Variants in UGT1A4 observed in about 807,000 individuals in gnomAD.
UGT1A4 encodes the protein UDP glucuronosyltransferase family 1 member A4.
Under a neutral mutation model 41.1 loss-of-function variants are expected in UGT1A4, and 32 were observed. That is an observed-to-expected ratio of 0.78 (90% CI 0.59 to 1.05). The LOEUF (loss-of-function observed/expected upper bound fraction) is 1.05, where lower values mean the gene tolerates loss of function less well. Ranked by LOEUF, UGT1A4 falls within the 50% of genes least tolerant of loss-of-function variation. The pLI, the probability that UGT1A4 is intolerant of heterozygous loss-of-function variation, is 0.00. For synonymous variants in UGT1A4, 283 were observed against 265.1 expected, an observed-to-expected ratio of 1.07 and a Z score of -0.66; for missense variants, 748 against 677.4, an observed-to-expected ratio of 1.10 and a Z score of -1.16.
intron 1 of UGT1A4, among the ~76,000 whole-genome samples, chr2:233,733,410 G>A (rs1464180881): frequency 6.6e-6 from 1 of 152,160 alleles, no homozygotes; most frequent in Non-Finnish European, 1.5e-5. Flanking sequence ...AATGCTTCCA[G>A]TTTTCGCCTA....
chr2:233,759,778 A>G (rs2125976593), intron 1 of UGT1A4, among the ~76,000 whole-genome samples: 1 of 152,308 alleles, frequency 6.6e-6, no homozygotes, highest in South Asian at 2.1e-4. Flanking sequence ...TGTTGGACGA[A>G]GGAATGAAAC....
In UGT1A4 at chr2:233,719,346, A is replaced by T. The variant is rs45540231; in HGVS notation, c.526A>T (p.Ile176Phe). 3.4e-3 allele frequency: 5,483 copies of T among 1,613,810 alleles called. 158 individuals are homozygous for T. The African/African-American group carries it at 0.064, about 19-fold the overall frequency. The change falls in exon 1 of 5, where the codon ATT (isoleucine) becomes TTT (phenylalanine). Residue 176 changes from isoleucine (I) to phenylalanine (F), a missense_variant. Ile to Phe is a conservative substitution (Grantham distance 21). Transcript: ENST00000373409. ...TCCTGCTGTGTTTTTTTGGAGGTAC[A>T]TTCCATGTGACTTAGACTTTAAGGG... ...SIPAVFFWRY[I>F]PCDLDFKGTQ... is the part of the protein sequence containing the mutation.
intron 1 of UGT1A4, among the ~76,000 whole-genome samples, chr2:233,757,757 G>C (rs1696714079): frequency 6.6e-6 from 1 of 151,646 alleles, no homozygotes; most frequent in African/African-American, 2.4e-5. Context: ...TGTTTATGTT[G>C]CTCCTTTAGT....
chr2:233,768,652 T>C (rs1699688984), intron 4 of UGT1A4, among the ~76,000 whole-genome samples: 1 of 146,762 alleles, frequency 6.8e-6, no homozygotes, highest in Non-Finnish European at 1.5e-5. Flanking sequence ...AGTGGTGCAA[T>C]CTTGGCTTAC....
Position 233,772,243 on chromosome 2 carries a change from A to G in UGT1A4, c.1308-19A>G, listed in dbSNP as rs763747891. The stretch of plus-strand genomic sequence containing the variant: ...TACCACAGGTGTTCCAGGCATAACG[A>G]AACTGTCTTTGTGTTTAGTTACAAG... On this transcript the variant is annotated intron_variant, in intron 4 of 4. Coordinates refer to ENST00000373409, the MANE Select transcript of UGT1A4 (RefSeq NM_007120.3). 2 of 1,614,184 alleles carry G rather than the reference A, an allele frequency of 1.2e-6. No homozygotes were observed. The highest frequency in any genetic ancestry group is 1.7e-6 in the Non-Finnish European group (2 of 1,180,028).
Position 233,772,277 on chromosome 2 carries a change from C to G in UGT1A4, c.1323C>G (p.Ile441Met). 1 of 1,614,240 alleles carries G rather than the reference C, an allele frequency of 6.2e-7. No individual in the cohort carries two copies. Among genetic ancestry groups the G allele is most frequent in the Non-Finnish European group, 8.5e-7 (1 of 1,180,042 alleles). Residue 441 changes from isoleucine (I) to methionine (M), a missense_variant, in exon 5 of 5, where the codon ATC (isoleucine) becomes ATG (methionine). Ile to Met is a conservative substitution (Grantham distance 10). Transcript: ENST00000373409. Reference protein sequence around the residue: ...VINDKSYKENIMRLSSLHKDR... With the variant: ...VINDKSYKENMMRLSSLHKDR... ...TTGTGTTTAGTTACAAGGAGAACAT[C>G]ATGCGCCTCTCCAGCCTTCACAAGG...
chr2:233,747,343 T>A (rs1575682738), intron 1 of UGT1A4: 1 of 1,603,348 alleles, frequency 6.2e-7, no homozygotes, highest in East Asian at 2.2e-5. Flanking sequence ...CTGGCTCGCA[T>A]GCGGGAGGCC....
intron 1 of UGT1A4, among the ~76,000 whole-genome samples, chr2:233,765,617 G>T (rs988431612): frequency 1.3e-5 from 2 of 151,904 alleles, no homozygotes; most frequent in African/African-American, 4.8e-5. Flanking sequence ...GGGGTGAGGG[G>T]TGAGGGGAGG....
At chr2:233,741,922 TG>T (rs1282682556) in intron 1 of UGT1A4, 2 of 151,910 alleles carry the variant, frequency 1.3e-5, no homozygotes, top group Non-Finnish European at 2.9e-5. Flanking sequence ...GGTCTTCATT[TG>T]GGGCATAACC....
At chr2:233,748,984 C>T (rs1315447738) in intron 1 of UGT1A4, among the ~76,000 whole-genome samples, 18 of 151,726 alleles carry the variant, frequency 1.2e-4, no homozygotes, top group Non-Finnish European at 2.1e-4. Context: ...TACTTCTTTA[C>T]CAACAATTTC....
rs10445705 is a variant in UGT1A4 at position 233,768,141 on chromosome 2, G to A, written c.1088-79G>A. Reference sequence around the variant, plus strand: ...ATGTGAGTAACACTGAGTCTTTGGAGTGTTTTCAGAACCTAGATGTGTCCA... The same window carrying A: ...ATGTGAGTAACACTGAGTCTTTGGAATGTTTTCAGAACCTAGATGTGTCCA... On this transcript the variant is annotated intron_variant, in intron 3 of 4. Coordinates refer to ENST00000373409, the MANE Select transcript of UGT1A4 (RefSeq NM_007120.3). The A allele has an allele frequency of 3.8e-3, 6,135 of 1,610,076 alleles. 218 individuals carry two copies. The African/African-American group carries it at 0.07, about 18-fold the overall frequency.
chr2:233,745,781 C>A (rs1693207389), intron 1 of UGT1A4, among the ~76,000 whole-genome samples: 1 of 150,162 alleles, frequency 6.7e-6, no homozygotes, highest in Non-Finnish European at 1.5e-5. Flanking sequence ...TGAGCTTAGA[C>A]AGGGGGGCTG....
In UGT1A4 at chr2:233,719,944, A is replaced by G. The variant is rs28898612; in HGVS notation, c.867+257A>G. Among the ~76,000 whole-genome samples, 584 of 152,290 alleles carry G rather than the reference A, an allele frequency of 3.8e-3. 2 individuals are homozygous for G. Among genetic ancestry groups the G allele is most frequent in the African/African-American group, 0.013 (558 of 41,550 alleles). ...ACTCACGGACAGTGTTTGTAAAGGC[A>G]CCATCTTCATGGTTGTGCATGTCCT... On this transcript the variant is annotated intron_variant, in intron 1 of 4. Coordinates refer to ENST00000373409, the MANE Select transcript of UGT1A4 (RefSeq NM_007120.3).
At chr2:233,727,138 C>A (rs1201449660) in intron 1 of UGT1A4, among the ~76,000 whole-genome samples, 2 of 152,162 alleles carry the variant, frequency 1.3e-5, no homozygotes, top group Non-Finnish European at 2.9e-5. Context: ...GGGAACAAGA[C>A]CACACAGGTC....
chr2:233,719,330 GT>G lies in UGT1A4; in HGVS notation c.517del (p.Trp173GlyfsTer8), dbSNP rs780658532. ...CTAAGTACCTGTCGATTCCTGCTGT[GT>G]TTTTTTGGAGGTACATTCCATGTGA... ...LAKYLSIPAV[F>X]FWRYIPCDLD... On this transcript the variant is annotated frameshift_variant, in exon 1 of 5. Coordinates refer to ENST00000373409, the MANE Select transcript of UGT1A4 (RefSeq NM_007120.3). LOFTEE classifies it high-confidence loss of function. 2.5e-6 allele frequency: 4 copies of G among 1,613,748 alleles called. No homozygotes were observed. The highest frequency in any genetic ancestry group is 3.4e-6 in the Non-Finnish European group (4 of 1,179,856).
At chr2:233,755,920 C>T (rs931187964) in intron 1 of UGT1A4, 4 of 147,692 alleles carry the variant, frequency 2.7e-5, no homozygotes, top group African/African-American at 1.0e-4. Flanking sequence ...AGAAGAGTGG[C>T]ATCGTTTTAC....
At position 233,767,872 on chromosome 2, in the gene UGT1A4, C is replaced by G. The variant is rs997427896; in HGVS notation, c.1023C>G (p.Thr341=). The G allele has an allele frequency of 2.5e-6, 4 of 1,614,024 alleles. No homozygotes were observed. The highest frequency in any genetic ancestry group is 3.4e-6 in the Non-Finnish European group (4 of 1,180,044). ...PQTVLWRYTG[T]RPSNLANNTI... is the part of the protein sequence containing the mutation. The stretch of plus-strand genomic sequence containing the variant: ...AGGTCCTGTGGCGGTACACTGGAAC[C>G]CGACCATCGAATCTTGCGAACAACA... Residue 341 remains threonine (T), a synonymous_variant, in exon 3 of 5, where the codon ACC becomes ACG. Coordinates refer to ENST00000373409, the MANE Select transcript of UGT1A4 (RefSeq NM_007120.3).
chr2:233,745,888 G>A (rs1423875334), intron 1 of UGT1A4, among the ~76,000 whole-genome samples: 1 of 151,512 alleles, frequency 6.6e-6, no homozygotes, highest in African/African-American at 2.4e-5. Flanking sequence ...TGTTGGTGGG[G>A]TGGCGTTTTT....
intron 1 of UGT1A4, chr2:233,747,716 T>C: frequency 6.2e-7 from 1 of 1,613,280 alleles, no homozygotes; most frequent in Non-Finnish European, 8.5e-7. Context: ...TATCAATTCC[T>C]GCTGTGTTTT....
Sources: allele counts gnomAD v4.1 joint callset (sites outside exome capture counted in the v4.1 genomes callset), GRCh38; gene constraint gnomAD v4.1.1; transcripts MANE v1.5; gene names NCBI Gene and HGNC (gene_info 2026-07-23, HGNC 2026-07-21).